Variants in PPIL6 observed in about 807,000 individuals in gnomAD.
PPIL6 encodes probable inactive peptidyl-prolyl cis-trans isomerase-like 6.
PPIL6 carries 39 observed loss-of-function variants against 36.8 expected under a neutral mutation model. That is an observed-to-expected ratio of 1.06 (90% confidence interval 0.82 to 1.38). The LOEUF (loss-of-function observed/expected upper bound fraction) is 1.38, where lower values mean the gene tolerates loss of function less well. Among genes scored for constraint, PPIL6 ranks in the 40% most tolerant of loss-of-function variants. The probability of loss-of-function intolerance (pLI) is 0.00; values close to 1 mark genes in which losing one functional copy is unlikely to be tolerated. For missense variants in PPIL6, 368 were observed against 379.1 expected (o/e 0.97, Z 0.24); for synonymous variants, 123 against 134.1 (o/e 0.92, Z 0.57).
At chr6:109,425,704 C>T (rs939257925) in intron 5 of PPIL6, among the ~76,000 whole-genome samples, 2 of 145,350 alleles carry the variant, frequency 1.4e-5, no homozygotes, top group Admixed American at 7.1e-5. Context: ...GAGCCGAGAT[C>T]GTGCCACTGC....
intron 6 of PPIL6, among the ~76,000 whole-genome samples, chr6:109,410,615 T>C (rs772653331): frequency 1.3e-5 from 2 of 152,310 alleles, no homozygotes; most frequent in Middle Eastern, 3.4e-3. Context: ...TACCTGGACC[T>C]GGGAAATTGG....
In PPIL6 at chr6:109,432,351, T is replaced by C. The variant is rs189039181; in HGVS notation, c.232-1006A>G. ...CTTCAGCCCCTCAAAATGCAGTGTG[T>C]TAGTGTTTTCATCAACACAACGCTG... is the stretch of plus-strand genomic sequence containing the variant. On this transcript the variant is annotated intron_variant, in intron 2 of 7. Transcript: ENST00000521072. 7.2e-5 allele frequency among the ~76,000 whole-genome samples: 11 copies of C among 152,218 alleles called. No individual in the cohort carries two copies. The East Asian group carries it at 1.9e-3, about 27-fold the overall frequency.
At chr6:109,393,517 C>T (rs1476434453) in intron 7 of PPIL6, among the ~76,000 whole-genome samples, 2 of 152,174 alleles carry the variant, frequency 1.3e-5, no homozygotes, top group African/African-American at 2.4e-5. Context: ...TGCGCCACCA[C>T]ACCTGGCCAG....
At chr6:109,438,237 G>A (rs116788443) in intron 1 of PPIL6, among the ~76,000 whole-genome samples, 1,865 of 151,686 alleles carry the variant, frequency 0.012, 44 homozygotes, top group African/African-American at 0.043. Flanking sequence ...ATCTGGGATC[G>A]CTCACAAATT....
At chr6:109,401,026 A>ATTTTTTTTTTTTTTTT (rs749611966) in intron 6 of PPIL6, among the ~76,000 whole-genome samples, 5 of 114,950 alleles carry the variant, frequency 4.3e-5, no homozygotes, top group African/African-American at 1.1e-4. Flanking sequence ...TGCCCGGCTA[A>ATTTTTTTTTTTTTTTT]TTTTTTTTTT....
chr6:109,395,697 C>G (rs1238540230), intron 7 of PPIL6, among the ~76,000 whole-genome samples: 1 of 151,578 alleles, frequency 6.6e-6, no homozygotes, highest in Non-Finnish European at 1.5e-5. Context: ...CTCTGCCTCC[C>G]AGGTTCAAGC....
At chr6:109,440,654 C>A, upstream of PPIL6, 2 of 1,153,992 alleles carry the variant, frequency 1.7e-6, no homozygotes, top group Non-Finnish European at 2.1e-6. Flanking sequence ...CCGCGCGGCC[C>A]CGCCTCCGCC....
rs190977496 is a variant in PPIL6 at position 109,431,172 on chromosome 6, G to A, written c.405C>T (p.Phe135=). The A allele has an allele frequency of 6.2e-7, 1 of 1,608,874 alleles. No homozygotes were observed. The highest frequency in any genetic ancestry group is 1.3e-5 in the African/African-American group (1 of 74,906). ...DALTEDFSAK[F]LRDTKHDFVF... ...TATAACTTGCCTTGGTGTCTCTTAA[G>A]AACTTAGCGGAAAAATCCTCAGTGA... The change falls in exon 3 of 8, where the codon TTC becomes TTT. Residue 135 remains phenylalanine (F), a synonymous_variant. Transcript: ENST00000521072.
At chr6:109,403,827 A>C (rs1772665557) in intron 6 of PPIL6, among the ~76,000 whole-genome samples, 1 of 152,152 alleles carries the variant, frequency 6.6e-6, no homozygotes, top group Admixed American at 6.6e-5. Flanking sequence ...TCACAGCCCC[A>C]GTTTTAATTC....
At position 109,440,575 on chromosome 6, in the gene PPIL6, G is replaced by C. The variant is rs780234960; in HGVS notation, c.16C>G (p.Pro6Ala). The C allele has an allele frequency of 7.1e-4, 1,003 of 1,407,998 alleles. No homozygotes were observed. Among genetic ancestry groups the C allele is most frequent in the Non-Finnish European group, 8.7e-4 (939 of 1,084,322 alleles). 87.2% of individuals were successfully genotyped at this position (1,407,998 alleles called of 1,614,324 possible). The change falls in exon 1 of 8, where the codon CCG (proline) becomes GCG (alanine). Residue 6 changes from proline to alanine, a missense_variant. By Grantham distance (27) the Pro-to-Ala change is conservative (BLOSUM62 -1). Transcript: ENST00000521072. Reference protein sequence around the residue: MARPQPCGPPHARCGS... With the variant: MARPQACGPPHARCGS... ...CACCTAGCGTGCGGGGGCCCGCACG[G>C]CTGCGGCCTTGCCATGGCCGCGCCC...
chr6:109,429,568 G>C (rs1774014162), intron 3 of PPIL6, among the ~76,000 whole-genome samples: 1 of 152,180 alleles, frequency 6.6e-6, no homozygotes. Flanking sequence ...GAGAGCACCA[G>C]GTTTTGGGAA....
Position 109,392,361 on chromosome 6 carries a change from G to A in PPIL6, c.*465C>T, listed in dbSNP as rs1772126646. On this transcript the variant is annotated 3_prime_UTR_variant, in exon 8 of 8. Coordinates refer to ENST00000521072, the MANE Select transcript of PPIL6 (RefSeq NM_173672.5). ...ATTTCTGTAGTTTTAGTAGAGACAG[G>A]GTTTCACCATGTTGGCCAGGATGGT... is the stretch of plus-strand genomic sequence containing the variant. 6.5e-6 allele frequency: 1 copy of A among 152,960 alleles called. No homozygotes were observed. The highest frequency in any genetic ancestry group is 1.5e-5 in the Non-Finnish European group (1 of 68,626). 9.5% of individuals were successfully genotyped at this position (152,960 alleles called of 1,614,324 possible). A position where few individuals can be genotyped will look rare whatever the true frequency, so the allele number is the denominator to read the frequency against.
chr6:109,429,853 AC>A (rs1398552460), intron 3 of PPIL6, among the ~76,000 whole-genome samples: 1 of 152,060 alleles, frequency 6.6e-6, no homozygotes, highest in Non-Finnish European at 1.5e-5. Flanking sequence ...TTCAATACAC[AC>A]CTTTTCGCCT....
intron 2 of PPIL6, among the ~76,000 whole-genome samples, chr6:109,433,509 C>A (rs531343288): frequency 2.6e-5 from 4 of 152,178 alleles, no homozygotes; most frequent in Non-Finnish European, 4.4e-5. Flanking sequence ...GAGGCGTGCT[C>A]GCCTGCCTCA....
chr6:109,402,223 T>G (rs1046249226), intron 6 of PPIL6, among the ~76,000 whole-genome samples: 8 of 152,284 alleles, frequency 5.3e-5, no homozygotes, highest in African/African-American at 1.9e-4. Context: ...TGAAAACCCA[T>G]GTATAAAACA....
chr6:109,438,944 G>T (rs192300771), intron 1 of PPIL6, among the ~76,000 whole-genome samples: 328 of 152,278 alleles, frequency 2.2e-3, no homozygotes, highest in Non-Finnish European at 3.3e-3. Context: ...AAAATTATAC[G>T]CAAGTCAAAT....
chr6:109,427,269 C>T, intron 3 of PPIL6, 113 bp from the exon 4 acceptor site: 1 of 631,760 alleles, frequency 1.6e-6, no homozygotes, highest in Non-Finnish European at 2.8e-6. Flanking sequence ...ATTTCAATAA[C>T]ATTACCAATG....
chr6:109,395,829 CTCT>C (rs1175335402), intron 7 of PPIL6, among the ~76,000 whole-genome samples: 1 of 125,980 alleles, frequency 7.9e-6, no homozygotes, highest in Middle Eastern at 4.0e-3. Flanking sequence ...TGGTCTCGAT[CTCT>C]TTTTTTTTTT....
intron 6 of PPIL6, chr6:109,403,044 G>C: frequency 2.0e-6 from 3 of 1,530,596 alleles, no homozygotes; most frequent in South Asian, 1.2e-5. Flanking sequence ...GGTATTTCTC[G>C]ATCTTTCCAA....
Sources: gnomAD v4.1 joint callset for allele counts (sites outside exome capture counted in the v4.1 genomes callset) on GRCh38, gnomAD v4.1.1 for gene constraint, MANE v1.5 for transcripts, NCBI Gene and HGNC (gene_info 2026-07-23, HGNC 2026-07-21) for gene names.